The following SLC22A15 variants were observed in gnomAD, a reference collection of about 807,000 sequenced individuals.
SLC22A15 encodes the protein solute carrier family 22 member 15.
A neutral mutation model predicts 62.7 loss-of-function variants in SLC22A15; 45 were observed. The observed-to-expected ratio is 0.72, with a 90% CI of 0.56 to 0.92. The LOEUF (loss-of-function observed/expected upper bound fraction) is 0.92. Ranked by LOEUF, SLC22A15 falls within the 40% of genes least tolerant of loss-of-function variation. The pLI is 0.00. For synonymous variants in SLC22A15, 264 were observed against 267.0 expected, an observed-to-expected ratio of 0.99 and a Z score of 0.11; for missense variants, 622 against 665.6, an observed-to-expected ratio of 0.93 and a Z score of 0.72.
intron 8 of SLC22A15, among the ~76,000 whole-genome samples, chr1:116,051,146 A>G (rs980576543): frequency 1.3e-5 from 2 of 152,156 alleles, no homozygotes; most frequent in South Asian, 2.1e-4. Flanking sequence ...GCCAAAAACA[A>G]TCTACAAATT....
chr1:115,991,338 C>A (rs1361552245), intron 1 of SLC22A15, among the ~76,000 whole-genome samples: 1 of 152,052 alleles, frequency 6.6e-6, no homozygotes, highest in Non-Finnish European at 1.5e-5. Flanking sequence ...TGAATGAATG[C>A]GTGAAGTATA....
intron 2 of SLC22A15, among the ~76,000 whole-genome samples, chr1:116,016,004 TACAAA>T (rs1464528949): frequency 1.3e-5 from 2 of 152,226 alleles, no homozygotes; most frequent in Non-Finnish European, 2.9e-5. Flanking sequence ...ATTAATTTTT[TACAAA>T]ACAAAATTTT....
In SLC22A15 at chr1:116,026,953, T is replaced by C. The variant is rs749188466; in HGVS notation, c.659T>C (p.Phe220Ser). 3 of 1,613,854 alleles carry C rather than the reference T, an allele frequency of 1.9e-6. No homozygotes were observed. The highest frequency in any genetic ancestry group is 2.5e-6 in the Non-Finnish European group (3 of 1,179,758). The change falls in exon 5 of 12, where the codon TTC becomes TCC. Residue 220 changes from phenylalanine to serine, a missense_variant. Coordinates refer to ENST00000369503, the MANE Select transcript of SLC22A15 (RefSeq NM_018420.3). ...GIAQYALLGY[F>S]IRSWRTLAIL... ...GCCCAATATGCCCTGTTAGGATACTTCATCCGCTCCTGGAGGACCCTAGCC... is the reference window on the plus strand; with the variant it reads ...GCCCAATATGCCCTGTTAGGATACTCCATCCGCTCCTGGAGGACCCTAGCC...
intron 8 of SLC22A15, among the ~76,000 whole-genome samples, chr1:116,041,173 G>A (rs940413443): frequency 1.3e-5 from 2 of 152,150 alleles, no homozygotes; most frequent in African/African-American, 4.8e-5. Context: ...CTTAGACTCA[G>A]CCCTAGTGGA....
chr1:116,033,259 A>G (rs573214346), intron 6 of SLC22A15, among the ~76,000 whole-genome samples: 17 of 152,308 alleles, frequency 1.1e-4, no homozygotes, highest in African/African-American at 4.1e-4. Flanking sequence ...TAATTATTTG[A>G]TGCTCTAAAT....
intron 8 of SLC22A15, among the ~76,000 whole-genome samples, chr1:116,055,186 G>A (rs1658167826): frequency 1.3e-5 from 2 of 150,884 alleles, no homozygotes; most frequent in African/African-American, 4.9e-5. Context: ...AAAGAGAGAA[G>A]AATCAAATAG....
intron 8 of SLC22A15, among the ~76,000 whole-genome samples, chr1:116,040,911 G>C (rs1248500433): frequency 6.6e-6 from 1 of 152,192 alleles, no homozygotes; most frequent in Non-Finnish European, 1.5e-5. Flanking sequence ...GGCCAGATAA[G>C]AGTTTTAGAA....
chr1:116,035,256 CA>C lies in SLC22A15; in HGVS notation c.1016del (p.Asn339ThrfsTer8). ...AGDLGGSIYANLALSGLIEIP... is the reference protein window; with the variant it reads ...AGDLGGSIYAXLALSGLIEIP... ...GTGATCTAGGTGGAAGTATTTATGC[CA>C]ACCTGGCCCTGTCTGGCCTCATAGA... On this transcript the variant is annotated frameshift_variant, in exon 7 of 12. Coordinates refer to ENST00000369503, the MANE Select transcript of SLC22A15 (RefSeq NM_018420.3). LOFTEE classifies it high-confidence loss of function. 6.2e-7 allele frequency: 1 copy of C among 1,613,318 alleles called. No homozygotes were observed. The highest frequency in any genetic ancestry group is 8.5e-7 in the Non-Finnish European group (1 of 1,179,550).
intron 10 of SLC22A15, 47 bp downstream of exon 10, chr1:116,064,555 G>A: frequency 7.8e-7 from 1 of 1,279,510 alleles, no homozygotes; most frequent in Non-Finnish European, 1.1e-6. Flanking sequence ...CTCTGCTTTG[G>A]AAATGCTTAT....
chr1:116,062,950 A>T (rs1658418245), intron 9 of SLC22A15, 68 bp downstream of exon 9: 1 of 1,579,170 alleles, frequency 6.3e-7, no homozygotes, highest in Non-Finnish European at 8.6e-7. Flanking sequence ...GCACCAACAG[A>T]GGTGTGGTAC....
At chr1:116,054,156 G>T (rs914734591) in intron 8 of SLC22A15, among the ~76,000 whole-genome samples, 4 of 152,142 alleles carry the variant, frequency 2.6e-5, no homozygotes, top group African/African-American at 9.7e-5. Flanking sequence ...TATTCAGGAA[G>T]CCCATCTCAC....
intron 2 of SLC22A15, among the ~76,000 whole-genome samples, chr1:116,006,846 C>G (rs1368729554): frequency 1.3e-5 from 2 of 151,856 alleles, no homozygotes; most frequent in Non-Finnish European, 2.9e-5. Flanking sequence ...TCTTGCCTTT[C>G]CCTCTGTCTG....
At chr1:116,020,955 A>G (rs1269352557) in intron 4 of SLC22A15, 70 bp downstream of exon 4, 1 of 1,387,258 alleles carries the variant, frequency 7.2e-7, no homozygotes, top group Non-Finnish European at 9.7e-7. Context: ...ACCCAGTTTA[A>G]TCCTAGAGTC....
intron 1 of SLC22A15, among the ~76,000 whole-genome samples, chr1:115,991,498 G>A (rs1475742336): frequency 1.3e-5 from 2 of 152,118 alleles, no homozygotes; most frequent in Non-Finnish European, 2.9e-5. Flanking sequence ...GCCTACTCTA[G>A]TACATATTAT....
rs112303135 is a variant in SLC22A15 at position 115,986,878 on chromosome 1, G to T, written c.88-5153G>T. Among the ~76,000 whole-genome samples, 212 of 152,318 alleles carry T rather than the reference G, an allele frequency of 1.4e-3. 1 individual carries two copies. Among genetic ancestry groups the T allele is most frequent in the African/African-American group, 4.9e-3 (203 of 41,568 alleles). ...CATTAGCGTCTGGTCTTAACTGGAA[G>T]AAAACGAAACAGAGAGGTTTGGATT... is the stretch of plus-strand genomic sequence containing the variant. On this transcript the variant is annotated intron_variant, in intron 1 of 11. Transcript: ENST00000369503.
At chr1:116,047,319 C>T (rs1481667926) in intron 8 of SLC22A15, among the ~76,000 whole-genome samples, 6 of 151,970 alleles carry the variant, frequency 3.9e-5, no homozygotes, top group African/African-American at 9.7e-5. Context: ...CCCAGCTACT[C>T]GGGAGGCTGA....
intron 1 of SLC22A15, among the ~76,000 whole-genome samples, chr1:115,985,676 C>T (rs1654821821): frequency 6.6e-6 from 1 of 151,638 alleles, no homozygotes; most frequent in Non-Finnish European, 1.5e-5. Context: ...AGGCCGGGCG[C>T]GGTGGCTCAT....
intron 8 of SLC22A15, among the ~76,000 whole-genome samples, chr1:116,046,703 G>A (rs993081173): frequency 3.3e-5 from 5 of 152,178 alleles, no homozygotes; most frequent in Non-Finnish European, 4.4e-5. Flanking sequence ...TGCAGGACCC[G>A]GAGACATTCC....
At chr1:116,051,692 T>C (rs762046804) in intron 8 of SLC22A15, among the ~76,000 whole-genome samples, 42 of 152,078 alleles carry the variant, frequency 2.8e-4, no homozygotes, top group Admixed American at 1.6e-3. Flanking sequence ...ACAAATGCAA[T>C]AAAAACAAAG....
Sources: allele counts gnomAD v4.1 joint callset (sites outside exome capture counted in the v4.1 genomes callset), GRCh38; gene constraint gnomAD v4.1.1; transcripts MANE v1.5; gene names NCBI Gene and HGNC (gene_info 2026-07-23, HGNC 2026-07-21).